The following DNAH5 variants were observed in gnomAD, a reference collection of about 807,000 sequenced individuals.
The protein encoded by DNAH5 is axonemal beta dynein heavy chain 5.
Under a neutral mutation model 518.2 loss-of-function variants are expected in DNAH5, and 372 were observed. That is an observed-to-expected ratio of 0.72 (90% CI 0.66 to 0.78). The LOEUF (loss-of-function observed/expected upper bound fraction) is 0.78. Among genes scored for constraint, DNAH5 ranks in the 30% least tolerant of loss-of-function variants. DNAH5 has a pLI of 0.00. For synonymous variants in DNAH5, 2,039 were observed against 2,025.9 expected (o/e 1.01, Z -0.17); for missense variants, 5,523 against 5,687.0 (o/e 0.97, Z 0.93).
At chr5:13,903,435 A>C (rs1441376640) in intron 12 of DNAH5, among the ~76,000 whole-genome samples, 1 of 152,084 alleles carries the variant, frequency 6.6e-6, no homozygotes, top group African/African-American at 2.4e-5. Flanking sequence ...AGAATTTTCC[A>C]CAATTAAAAA....
intron 12 of DNAH5, among the ~76,000 whole-genome samples, chr5:13,904,504 A>AT (rs892021517): frequency 4.7e-5 from 7 of 149,860 alleles, no homozygotes; most frequent in African/African-American, 1.5e-4. Context: ...AGATATATTG[A>AT]TTTTATATAT....
chr5:13,870,194 T>C (rs1769883334), intron 24 of DNAH5, among the ~76,000 whole-genome samples: 1 of 152,170 alleles, frequency 6.6e-6, no homozygotes, highest in Admixed American at 6.6e-5. Flanking sequence ...AATGAGTTAC[T>C]GCATATATGG....
At chr5:13,773,872 G>T (rs1316747138) in intron 55 of DNAH5, among the ~76,000 whole-genome samples, 1 of 151,880 alleles carries the variant, frequency 6.6e-6, no homozygotes, top group African/African-American at 2.4e-5. Context: ...GGAGGAGTGG[G>T]TGGGGAGAAA....
chr5:13,883,161 AC>A, intron 19 of DNAH5, 67 bp from the exon 20 acceptor site: 1 of 1,530,470 alleles, frequency 6.5e-7, no homozygotes, highest in Non-Finnish European at 9.0e-7. Context: ...TTCCTTTGTA[AC>A]CATAAAAATT....
intron 25 of DNAH5, among the ~76,000 whole-genome samples, chr5:13,866,709 T>C (rs534031594): frequency 2.6e-5 from 4 of 152,266 alleles, no homozygotes; most frequent in South Asian, 4.1e-4. Context: ...CATTAGAAAA[T>C]CTTAAATATG....
At chr5:13,924,029 G>A (rs967020504) in intron 3 of DNAH5, among the ~76,000 whole-genome samples, 2 of 152,088 alleles carry the variant, frequency 1.3e-5, no homozygotes, top group African/African-American at 4.8e-5. Context: ...CTGGGCAACA[G>A]AGCGAAACTC....
At position 13,754,221 on chromosome 5, in the gene DNAH5, GT is replaced by G. The variant is rs764510661; in HGVS notation, c.10536del (p.Gln3513LysfsTer6). The G allele has an allele frequency of 1.9e-6, 3 of 1,613,906 alleles. No individual in the cohort carries two copies. Among genetic ancestry groups the G allele is most frequent in the Non-Finnish European group, 2.5e-6 (3 of 1,179,970 alleles). ...RWTEQSQEFA[A>X]QTKRLVGDVL... ...TACATACCTACAAGTCTTTTAGTTT[GT>G]GCAGCAAACTCTTGGCTTTGCTCTG... On this transcript the variant is annotated frameshift_variant, in exon 62 of 79. Coordinates refer to ENST00000265104, the MANE Select transcript of DNAH5 (RefSeq NM_001369.3). LOFTEE classifies it high-confidence loss of function.
chr5:13,944,335 T>C (rs1235031109), intron 1 of DNAH5, 47 bp downstream of exon 1: 6 of 1,590,168 alleles, frequency 3.8e-6, no homozygotes, highest in South Asian at 2.2e-5. Context: ...GTGTGACAGA[T>C]GATAATCCAA....
At chr5:13,765,842 T>G in intron 59 of DNAH5, 134 bp downstream of exon 59, 2 of 960,312 alleles carry the variant, frequency 2.1e-6, no homozygotes, top group South Asian at 2.7e-5. Flanking sequence ...GTTTTATATT[T>G]GAGACAAAGT....
intron 21 of DNAH5, among the ~76,000 whole-genome samples, chr5:13,877,478 C>A (rs1306824147): frequency 6.6e-6 from 1 of 152,196 alleles, no homozygotes; most frequent in Admixed American, 6.5e-5. Context: ...ATGAAGTCAG[C>A]AACATGGCTG....
At chr5:13,864,734 T>C in intron 27 of DNAH5, 97 bp from the exon 28 acceptor site, 1 of 1,300,936 alleles carries the variant, frequency 7.7e-7, no homozygotes, top group South Asian at 1.2e-5. Context: ...AAACAGTCTC[T>C]TTGAATACTT....
chr5:13,968,874 G>C (rs910951871), intron 1 of DNAH5, among the ~76,000 whole-genome samples: 5 of 152,142 alleles, frequency 3.3e-5, no homozygotes, highest in African/African-American at 1.2e-4. Flanking sequence ...TTTTGAAATA[G>C]TGTCGATAGG....
At chr5:13,696,071 GCA>G (rs1444580564) in intron 78 of DNAH5, among the ~76,000 whole-genome samples, 2 of 152,084 alleles carry the variant, frequency 1.3e-5, no homozygotes, top group African/African-American at 4.8e-5. Context: ...GCCCAAATCT[GCA>G]CAGTCTCAGG....
At chr5:13,832,865 C>G (rs1763853975) in intron 35 of DNAH5, among the ~76,000 whole-genome samples, 1 of 152,186 alleles carries the variant, frequency 6.6e-6, no homozygotes, top group African/African-American at 2.4e-5. Flanking sequence ...GACCCCAGGG[C>G]TCATTAGCAC....
At chr5:13,806,183 C>G (rs1332251059) in intron 47 of DNAH5, among the ~76,000 whole-genome samples, 1 of 152,022 alleles carries the variant, frequency 6.6e-6, no homozygotes, top group African/African-American at 2.4e-5. Context: ...ATTAAAGGAA[C>G]ACATATAACG....
intron 69 of DNAH5, among the ~76,000 whole-genome samples, chr5:13,728,832 T>C (rs1429311751): frequency 2.0e-5 from 3 of 152,216 alleles, no homozygotes; most frequent in African/African-American, 7.2e-5. Flanking sequence ...GTTTCTTGGC[T>C]TGTCCCAATT....
Position 13,884,567 on chromosome 5 carries a change from TG to T in DNAH5, c.2983+421del, listed in dbSNP as rs1360316868. 1.1e-4 allele frequency among the ~76,000 whole-genome samples: 17 copies of T among 152,374 alleles called. No homozygotes were observed. The East Asian group carries it at 2.9e-3, about 26-fold the overall frequency. The stretch of plus-strand genomic sequence containing the variant: ...AAACGGTGGATATGGCCAAGTGCGG[TG>T]GCTCACGCCTGTAATCCCAACACTT... On this transcript the variant is annotated intron_variant, in intron 19 of 78. Coordinates refer to ENST00000265104, the MANE Select transcript of DNAH5 (RefSeq NM_001369.3).
Position 13,865,759 on chromosome 5 carries a change from C to G in DNAH5, c.4264G>C (p.Val1422Leu). 6.2e-7 allele frequency: 1 copy of G among 1,606,848 alleles called. No individual in the cohort carries two copies. Residue 1422 changes from valine (V) to leucine (L), a missense_variant, in exon 27 of 79, where the codon GTC becomes CTC. This residue lies in a region of DNAH5 where 5,121 missense variants were observed against 5,223.3 expected (regional missense o/e 0.98). Transcript: ENST00000265104. ...TAATAGCTATTTACAGTTTCTATGA[C>G]ACTGTTGTACAGAGTATATATTTTC... is the stretch of plus-strand genomic sequence containing the variant. ...LQKIYTLYNSVIETVNSYYDI... is the reference protein window; with the variant it reads ...LQKIYTLYNSLIETVNSYYDI...
At chr5:13,726,240 C>A (rs1036832507) in intron 70 of DNAH5, among the ~76,000 whole-genome samples, 2 of 152,176 alleles carry the variant, frequency 1.3e-5, no homozygotes, top group African/African-American at 2.4e-5. Context: ...GCCTTCTAAA[C>A]CTTGTTTAGG....
Sources: allele counts gnomAD v4.1 joint callset (sites outside exome capture counted in the v4.1 genomes callset), GRCh38; gene constraint gnomAD v4.1.1; regional missense constraint gnomAD v4.1.1; transcripts MANE v1.5; gene names NCBI Gene and HGNC (gene_info 2026-07-23, HGNC 2026-07-21).